SNTG1: variants seen among roughly 807,000 people sequenced by gnomAD.
SNTG1 encodes gamma-1-syntrophin.
A neutral mutation model predicts 74.7 loss-of-function variants in SNTG1; 39 were observed. The observed-to-expected ratio is 0.52, with a 90% CI of 0.40 to 0.68. SNTG1 has a LOEUF of 0.68. Among genes scored for constraint, SNTG1 ranks in the 30% least tolerant of loss-of-function variants. SNTG1 has a pLI of 0.00. For missense variants in SNTG1, 685 were observed against 609.5 expected, an observed-to-expected ratio of 1.12 and a Z score of -1.30; for synonymous variants, 254 against 217.1, an observed-to-expected ratio of 1.17 and a Z score of -1.49.
chr8:50,431,929 T>G (rs998094712), intron 4 of SNTG1, among the ~76,000 whole-genome samples: 1 of 152,212 alleles, frequency 6.6e-6, no homozygotes, highest in Non-Finnish European at 1.5e-5. Flanking sequence ...GATACAAGTC[T>G]TCTATCAGAT....
chr8:50,423,219 C>T (rs2093118267), intron 4 of SNTG1, among the ~76,000 whole-genome samples: 1 of 152,164 alleles, frequency 6.6e-6, no homozygotes, highest in South Asian at 2.1e-4. Context: ...GGAAAATCTT[C>T]AAACACTTCA....
intron 1 of SNTG1, among the ~76,000 whole-genome samples, chr8:49,983,783 A>G (rs1812893481): frequency 6.6e-6 from 1 of 152,244 alleles, no homozygotes; most frequent in Non-Finnish European, 1.5e-5. Context: ...AATCACAGTT[A>G]TTGAATTCTT....
intron 1 of SNTG1, among the ~76,000 whole-genome samples, chr8:50,039,469 A>G (rs1396327482): frequency 6.6e-6 from 1 of 150,650 alleles, no homozygotes; most frequent in East Asian, 1.9e-4. Context: ...AAAAAAAAAA[A>G]AAAAAAAAAA....
At chr8:50,604,263 C>T (rs1025608316) in intron 13 of SNTG1, among the ~76,000 whole-genome samples, 4 of 151,926 alleles carry the variant, frequency 2.6e-5, no homozygotes, top group African/African-American at 9.7e-5. Context: ...CTTAAAAATA[C>T]AAAAATTAGC....
At chr8:50,448,563 A>C (rs1015773478) in intron 5 of SNTG1, among the ~76,000 whole-genome samples, 1 of 152,148 alleles carries the variant, frequency 6.6e-6, no homozygotes, top group African/African-American at 2.4e-5. Flanking sequence ...TTTATATATG[A>C]CATTTTATTC....
intron 9 of SNTG1, among the ~76,000 whole-genome samples, chr8:50,528,864 C>A (rs2094243440): frequency 1.3e-5 from 2 of 150,456 alleles, no homozygotes; most frequent in South Asian, 4.2e-4. Context: ...CTGATATTTG[C>A]CTTAATTAAT....
At chr8:50,337,694 G>A (rs531050084) in intron 2 of SNTG1, among the ~76,000 whole-genome samples, 2 of 152,278 alleles carry the variant, frequency 1.3e-5, no homozygotes, top group South Asian at 4.1e-4. Flanking sequence ...CGCAACCCAT[G>A]GGCACAGGTT....
chr8:50,292,769 G>A (rs866507384), intron 2 of SNTG1, among the ~76,000 whole-genome samples: 1 of 152,178 alleles, frequency 6.6e-6, no homozygotes, highest in Non-Finnish European at 1.5e-5. Context: ...TTTGGCAACA[G>A]AACTGGGATG....
At chr8:50,293,764 C>T (rs1435946834) in intron 2 of SNTG1, among the ~76,000 whole-genome samples, 4 of 151,986 alleles carry the variant, frequency 2.6e-5, no homozygotes, top group Non-Finnish European at 5.9e-5. Flanking sequence ...CAAACACAGT[C>T]ATATCTGTAG....
At chr8:50,641,691 A>G (rs2095074367) in intron 13 of SNTG1, among the ~76,000 whole-genome samples, 1 of 152,190 alleles carries the variant, frequency 6.6e-6, no homozygotes, top group Non-Finnish European at 1.5e-5. Context: ...CAAATAGTCA[A>G]TTATCGGTCC....
intron 2 of SNTG1, among the ~76,000 whole-genome samples, chr8:50,348,001 T>C (rs138949959): frequency 6.6e-6 from 1 of 152,240 alleles, no homozygotes; most frequent in Non-Finnish European, 1.5e-5. Context: ...TTTTACATAC[T>C]GTAAGGTTGA....
At chr8:50,369,664 C>T (rs899330923) in intron 2 of SNTG1, among the ~76,000 whole-genome samples, 2 of 151,612 alleles carry the variant, frequency 1.3e-5, no homozygotes, top group Admixed American at 6.6e-5. Flanking sequence ...AGTGAGGACA[C>T]AGCCAGAAGG....
chr8:50,706,240 C>A (rs1245405730), intron 16 of SNTG1, among the ~76,000 whole-genome samples: 1 of 151,832 alleles, frequency 6.6e-6, no homozygotes, highest in Non-Finnish European at 1.5e-5. Flanking sequence ...ATAGTTTCCA[C>A]AATTAGAACC....
At chr8:50,343,517 CAA>C (rs2130950610) in intron 2 of SNTG1, among the ~76,000 whole-genome samples, 1 of 152,062 alleles carries the variant, frequency 6.6e-6, no homozygotes, top group South Asian at 2.1e-4. Flanking sequence ...CAAATACAAA[CAA>C]AACAAAGCCA....
intron 1 of SNTG1, chr8:49,915,064 C>T (rs1225288813): frequency 2.0e-5 from 3 of 152,260 alleles, no homozygotes; most frequent in East Asian, 1.9e-4. Flanking sequence ...GAAACAAGTA[C>T]TACTTGACAG....
chr8:50,362,993 C>T (rs1458519971), intron 2 of SNTG1, among the ~76,000 whole-genome samples: 1 of 152,036 alleles, frequency 6.6e-6, no homozygotes, highest in African/African-American at 2.4e-5. Context: ...AAATGAAACT[C>T]ATGGCCTCTT....
chr8:49,928,422 G>A (rs755618688), intron 1 of SNTG1, among the ~76,000 whole-genome samples: 3 of 151,838 alleles, frequency 2.0e-5, no homozygotes, highest in African/African-American at 4.8e-5. Flanking sequence ...GTAGAGACAG[G>A]GTTTTGCCAT....
chr8:50,047,149 G>C (rs1342099026), intron 1 of SNTG1, among the ~76,000 whole-genome samples: 1 of 151,980 alleles, frequency 6.6e-6, no homozygotes, highest in Non-Finnish European at 1.5e-5. Context: ...GACCAACCTG[G>C]ACAACATGGT....
chr8:50,206,830 G>C (rs1586690594), intron 2 of SNTG1, among the ~76,000 whole-genome samples: 1 of 152,128 alleles, frequency 6.6e-6, no homozygotes, highest in South Asian at 2.1e-4. Flanking sequence ...CAATCATGTG[G>C]TTTTTGTCTT....
Sources: allele counts gnomAD v4.1 joint callset (sites outside exome capture counted in the v4.1 genomes callset), GRCh38; gene constraint gnomAD v4.1.1; transcripts MANE v1.5; gene names NCBI Gene and HGNC (gene_info 2026-07-23, HGNC 2026-07-21).